CACNB2: variants seen among roughly 807,000 people sequenced by gnomAD.
The protein encoded by CACNB2 is calcium voltage-gated channel auxiliary subunit beta 2, also known as voltage-dependent L-type calcium channel subunit beta-2.
In CACNB2, 42 loss-of-function variants were observed where a neutral mutation model predicts 73.3. That is an observed-to-expected ratio of 0.57 (90% CI 0.45 to 0.74). CACNB2 has a LOEUF of 0.74. Among genes scored for constraint, CACNB2 ranks in the 30% least tolerant of loss-of-function variants. The pLI is 0.00. For missense variants in CACNB2, 940 were observed against 853.0 expected (o/e 1.10, Z -1.27); for synonymous variants, 348 against 310.3 (o/e 1.12, Z -1.28).
intron 2 of CACNB2, among the ~76,000 whole-genome samples, chr10:18,157,861 C>T (rs972448219): frequency 6.6e-6 from 1 of 152,152 alleles, no homozygotes; most frequent in Non-Finnish European, 1.5e-5. Context: ...TTTTAACTTC[C>T]TTCTGTACCG....
intron 2 of CACNB2, among the ~76,000 whole-genome samples, chr10:18,394,912 A>G (rs946169457): frequency 2.0e-5 from 3 of 152,078 alleles, no homozygotes; most frequent in Non-Finnish European, 2.9e-5. Flanking sequence ...AAATACAAGA[A>G]CTCTGTTTAT....
chr10:18,189,733 T>C (rs1408801740), intron 2 of CACNB2, among the ~76,000 whole-genome samples: 2 of 152,212 alleles, frequency 1.3e-5, no homozygotes, highest in Non-Finnish European at 2.9e-5. Context: ...TTTTCAGCAT[T>C]AACAGTGTGA....
At chr10:18,355,248 C>G (rs545245569) in intron 2 of CACNB2, among the ~76,000 whole-genome samples, 1 of 152,254 alleles carries the variant, frequency 6.6e-6, no homozygotes, top group Non-Finnish European at 1.5e-5. Context: ...TCTATCATTT[C>G]TTGTTATTTG....
At chr10:18,194,528 T>C (rs569494368) in intron 2 of CACNB2, among the ~76,000 whole-genome samples, 1 of 152,322 alleles carries the variant, frequency 6.6e-6, no homozygotes, top group Admixed American at 6.5e-5. Flanking sequence ...TGTTGTGCCC[T>C]GAGGGCAACC....
intron 10 of CACNB2, among the ~76,000 whole-genome samples, chr10:18,530,306 G>C (rs1464647101): frequency 6.6e-6 from 1 of 151,936 alleles, no homozygotes; most frequent in East Asian, 1.9e-4. Context: ...TGGTGCCCAG[G>C]GACACAAAAG....
chr10:18,194,520 T>G (rs2034545160), intron 2 of CACNB2, among the ~76,000 whole-genome samples: 1 of 152,206 alleles, frequency 6.6e-6, no homozygotes, highest in South Asian at 2.1e-4. Flanking sequence ...GCTTCTGGTG[T>G]TGTGCCCTGA....
chr10:18,325,312 C>T (rs1035154779), intron 2 of CACNB2, among the ~76,000 whole-genome samples: 2 of 152,142 alleles, frequency 1.3e-5, no homozygotes, highest in Admixed American at 6.5e-5. Context: ...GCCTCAGCCT[C>T]TCAGGTAGCT....
chr10:18,357,798 T>G (rs1422829794), intron 2 of CACNB2, among the ~76,000 whole-genome samples: 1 of 152,118 alleles, frequency 6.6e-6, no homozygotes, highest in Non-Finnish European at 1.5e-5. Flanking sequence ...ACAGGTGTAT[T>G]CCTAGCCACT....
At chr10:18,490,711 G>A (rs139729094) in intron 3 of CACNB2, among the ~76,000 whole-genome samples, 12 of 152,246 alleles carry the variant, frequency 7.9e-5, no homozygotes, top group South Asian at 4.2e-4. Flanking sequence ...ATAGAATTCC[G>A]CAACAGCCAT....
intron 2 of CACNB2, among the ~76,000 whole-genome samples, chr10:18,172,620 C>A (rs994738319): frequency 6.6e-6 from 1 of 152,142 alleles, no homozygotes; most frequent in African/African-American, 2.4e-5. Flanking sequence ...TGCCCATTAG[C>A]CCACTCCAGG....
intron 2 of CACNB2, among the ~76,000 whole-genome samples, chr10:18,257,765 ATGGAGTTTCCGTCTGTCACCCAGGC>A (rs1186642382): frequency 6.6e-6 from 1 of 152,000 alleles, no homozygotes; most frequent in African/African-American, 2.4e-5. Flanking sequence ...GTTTTTTGAG[ATGGAGTTTCCGTCTGTCACCCAGGC>A]TGGAGTGCAG....
chr10:18,191,496 G>A (rs12413079), intron 2 of CACNB2, among the ~76,000 whole-genome samples: 18,299 of 152,112 alleles, frequency 0.12, 1,162 homozygotes, highest in South Asian at 0.15. Context: ...GGTTACATGA[G>A]TAAGTTGTTT....
At chr10:18,312,910 C>A (rs2040015731) in intron 2 of CACNB2, among the ~76,000 whole-genome samples, 1 of 152,016 alleles carries the variant, frequency 6.6e-6, no homozygotes, top group South Asian at 2.1e-4. Context: ...GATTACGGAC[C>A]AAGAGAAGAG....
At chr10:18,435,327 A>G (rs2046080575) in intron 3 of CACNB2, among the ~76,000 whole-genome samples, 1 of 152,162 alleles carries the variant, frequency 6.6e-6, no homozygotes, top group South Asian at 2.1e-4. Flanking sequence ...AAACCGTGAA[A>G]ATCCACCTGA....
rs147502805 is a variant in CACNB2, at chr10:18,154,060, A to G, written c.213+3085A>G. 1.3e-3 allele frequency among the ~76,000 whole-genome samples: 191 copies of G among 152,064 alleles called. 2 individuals carry two copies. The highest frequency in any genetic ancestry group is 4.5e-3 in the African/African-American group (186 of 41,476). ...GCCCAATAGAATTTTGTTTTAAAAT[A>G]TCTTGCAGTTAGAGTCTACTATAGC... On this transcript the variant is annotated intron_variant, in intron 2 of 13. Transcript: ENST00000324631.
At chr10:18,351,989 CAG>C (rs1222978489) in intron 2 of CACNB2, among the ~76,000 whole-genome samples, 1 of 152,160 alleles carries the variant, frequency 6.6e-6, no homozygotes, top group Non-Finnish European at 1.5e-5. Context: ...AAGGCGTGTT[CAG>C]AGTCTCCTAA....
chr10:18,233,631 T>C (rs978506899), intron 2 of CACNB2, among the ~76,000 whole-genome samples: 1 of 152,278 alleles, frequency 6.6e-6, no homozygotes, highest in South Asian at 2.1e-4. Flanking sequence ...TGAACATCTT[T>C]GTTGTTCGAA....
At chr10:18,258,106 C>A (rs2037361947) in intron 2 of CACNB2, among the ~76,000 whole-genome samples, 1 of 152,148 alleles carries the variant, frequency 6.6e-6, no homozygotes, top group African/African-American at 2.4e-5. Flanking sequence ...TTCATATCCC[C>A]AGCACCTTAG....
intron 3 of CACNB2, among the ~76,000 whole-genome samples, chr10:18,497,724 C>A (rs1409088503): frequency 1.3e-5 from 2 of 152,024 alleles, no homozygotes; most frequent in Admixed American, 6.5e-5. Flanking sequence ...CACTCCTGGC[C>A]CTTTATCTGT....
Sources: gnomAD v4.1 joint callset for allele counts (sites outside exome capture counted in the v4.1 genomes callset) on GRCh38, gnomAD v4.1.1 for gene constraint, MANE v1.5 for transcripts, NCBI Gene and HGNC (gene_info 2026-07-23, HGNC 2026-07-21) for gene names.